The following SGCG variants were observed in gnomAD, a reference collection of about 807,000 sequenced individuals.
SGCG encodes sarcoglycan gamma.
SGCG carries 26 observed loss-of-function variants against 29.3 expected under a neutral mutation model. The observed-to-expected ratio is 0.89, with a 90% CI of 0.65 to 1.23. The LOEUF is 1.23. Among genes scored for constraint, SGCG ranks in the 50% most tolerant of loss-of-function variants. The pLI is 0.00. For synonymous variants in SGCG, 145 were observed against 129.7 expected, an observed-to-expected ratio of 1.12 and a Z score of -0.80; for missense variants, 353 against 356.0, an observed-to-expected ratio of 0.99 and a Z score of 0.07.
intron 5 of SGCG, among the ~76,000 whole-genome samples, chr13:23,281,581 G>A (rs717826): frequency 1.4e-3 from 219 of 152,022 alleles, no homozygotes; most frequent in African/African-American, 4.9e-3. Flanking sequence ...CTCTGTAGAA[G>A]AGCAGTCCCC....
chr13:23,312,038 G>T (rs1245373614), intron 6 of SGCG, among the ~76,000 whole-genome samples: 1 of 152,094 alleles, frequency 6.6e-6, no homozygotes, highest in African/African-American at 2.4e-5. Flanking sequence ...TATGTCCTTG[G>T]TGCCATCCCC....
At chr13:23,204,282 T>G (rs913058779) in intron 2 of SGCG, among the ~76,000 whole-genome samples, 1 of 152,176 alleles carries the variant, frequency 6.6e-6, no homozygotes, top group Non-Finnish European at 1.5e-5. Flanking sequence ...TTTAAAAACT[T>G]TTTTATTTAC....
intron 6 of SGCG, among the ~76,000 whole-genome samples, chr13:23,298,077 C>T (rs548184452): frequency 6.7e-4 from 101 of 150,038 alleles, no homozygotes; most frequent in African/African-American, 2.4e-3. Flanking sequence ...ATTATACAGC[C>T]GGCCATGGTG....
chr13:23,169,738 A>C, the SGCG span: 1 of 138,012 alleles, frequency 7.2e-6, no homozygotes, highest in East Asian at 2.2e-4. Flanking sequence ...ACACACACAC[A>C]CACACACACG....
At chr13:23,247,811 T>C in intron 3 of SGCG, among the ~76,000 whole-genome samples, 1 of 142,732 alleles carries the variant, frequency 7.0e-6, no homozygotes, top group South Asian at 2.3e-4. Flanking sequence ...ATCAGCTGGG[T>C]GTGGTGGCAC....
intron 2 of SGCG, among the ~76,000 whole-genome samples, chr13:23,220,355 C>A (rs9510633): frequency 0.71 from 107,660 of 152,002 alleles, 38,435 homozygotes; most frequent in East Asian, 0.92. Context: ...GAGGTTAAGG[C>A]AGGAGAATTG....
At chr13:23,171,376 G>T in the SGCG span, among the ~76,000 whole-genome samples, 1 of 152,140 alleles carries the variant, frequency 6.6e-6, no homozygotes, top group Non-Finnish European at 1.5e-5. Context: ...ACATTACACT[G>T]CTGTTAAGAA....
Position 23,302,729 on chromosome 13 carries a change from A to G in SGCG, c.578+7242A>G, listed in dbSNP as rs559348902. ...ACAAAAAGTAAAATTGTATAAAACT[A>G]CATCTTTTAGTGAATGGTTGGAACT... On this transcript the variant is annotated intron_variant, in intron 6 of 7. Transcript: ENST00000218867. 3.9e-5 allele frequency among the ~76,000 whole-genome samples: 6 copies of G among 152,304 alleles called. No individual in the cohort carries two copies. The South Asian group carries it at 1.0e-3, about 26-fold the overall frequency.
At chr13:23,302,175 T>G (rs1882185878) in intron 6 of SGCG, among the ~76,000 whole-genome samples, 1 of 151,868 alleles carries the variant, frequency 6.6e-6, no homozygotes, top group African/African-American at 2.4e-5. Flanking sequence ...ACAGTTCACT[T>G]ACCCAAAATT....
intron 2 of SGCG, among the ~76,000 whole-genome samples, chr13:23,222,226 A>C (rs1878698180): frequency 1.3e-5 from 2 of 152,210 alleles, no homozygotes; most frequent in Non-Finnish European, 2.9e-5. Flanking sequence ...CACGTATTGC[A>C]ACATCTTCTT....
chr13:23,253,484 T>A lies in SGCG; in HGVS notation c.385+2767T>A, dbSNP rs373577914. Among the ~76,000 whole-genome samples, 7 of 152,302 alleles carry A rather than the reference T, an allele frequency of 4.6e-5. No individual in the cohort carries two copies. The East Asian group carries it at 9.6e-4, about 21-fold the overall frequency. On this transcript the variant is annotated intron_variant, in intron 4 of 7. Coordinates refer to ENST00000218867, the MANE Select transcript of SGCG (RefSeq NM_000231.3). ...TGACTTCCCACAGTTGCAACCCTTC[T>A]AGTCTCATATTTCCTGGAAGAAGTT...
intron 1 of SGCG, among the ~76,000 whole-genome samples, chr13:23,188,247 A>T (rs1243873298): frequency 6.7e-6 from 1 of 150,024 alleles, no homozygotes; most frequent in Non-Finnish European, 1.5e-5. Flanking sequence ...AAAACCACTA[A>T]GTTGGCAGGT....
chr13:23,223,104 C>A (rs569995280), intron 2 of SGCG, among the ~76,000 whole-genome samples: 1 of 151,930 alleles, frequency 6.6e-6, no homozygotes, highest in Non-Finnish European at 1.5e-5. Flanking sequence ...CGGTGAAACC[C>A]TGTCTCTATT....
intron 6 of SGCG, among the ~76,000 whole-genome samples, chr13:23,312,622 A>G (rs1882646086): frequency 6.6e-6 from 1 of 152,124 alleles, no homozygotes; most frequent in African/African-American, 2.4e-5. Context: ...TCAGGGGGTG[A>G]GGGATGAGAA....
At chr13:23,260,855 A>G (rs1257656590) in intron 4 of SGCG, among the ~76,000 whole-genome samples, 1 of 151,970 alleles carries the variant, frequency 6.6e-6, no homozygotes, top group African/African-American at 2.4e-5. Context: ...AGAATGTTGA[A>G]TATTGGCCCC....
intron 4 of SGCG, among the ~76,000 whole-genome samples, chr13:23,271,617 G>A (rs1335285852): frequency 6.6e-6 from 1 of 152,082 alleles, no homozygotes; most frequent in Non-Finnish European, 1.5e-5. Flanking sequence ...TGTCTAGTGG[G>A]GCTGGCCTTT....
intron 4 of SGCG, chr13:23,268,371 A>C (rs554350481): frequency 2.0e-5 from 3 of 152,376 alleles, no homozygotes; most frequent in South Asian, 4.1e-4. Flanking sequence ...GGAATACACA[A>C]ACATAAAGAT....
At chr13:23,180,833 T>C (rs1764338544), upstream of SGCG, 1 of 152,194 alleles carries the variant, frequency 6.6e-6, no homozygotes, top group Admixed American at 6.5e-5. Context: ...GCCCAAAAAA[T>C]TTTAAGTGTG....
the SGCG span, chr13:23,169,962 C>G: frequency 8.7e-3 from 1,332 of 152,390 alleles, 12 homozygotes; most frequent in Non-Finnish European, 0.013. Context: ...GCCCTGTTCT[C>G]TGCTGCGTTG....
Sources: gnomAD v4.1 joint callset for allele counts (sites outside exome capture counted in the v4.1 genomes callset) on GRCh38, gnomAD v4.1.1 for gene constraint, MANE v1.5 for transcripts, NCBI Gene and HGNC (gene_info 2026-07-23, HGNC 2026-07-21) for gene names.